Variants in PRDM16 observed in about 807,000 individuals in gnomAD.
PRDM16 encodes PR/SET domain 16.
In PRDM16, 23 loss-of-function variants were observed where a neutral mutation model predicts 110.6. The observed-to-expected ratio is 0.21, with a 90% confidence interval of 0.15 to 0.29. The LOEUF (loss-of-function observed/expected upper bound fraction) is 0.29, where lower values mean the gene tolerates loss of function less well. Among genes scored for constraint, PRDM16 ranks in the 10% least tolerant of loss-of-function variants. PRDM16 has a pLI of 1.00. For synonymous variants in PRDM16, 799 were observed against 781.8 expected (o/e 1.02, Z -0.37); for missense variants, 1,615 against 1,794.3 (o/e 0.90, Z 1.81).
intron 1 of PRDM16, among the ~76,000 whole-genome samples, chr1:3,084,913 G>A (rs1642115626): frequency 6.6e-6 from 1 of 152,196 alleles, no homozygotes; most frequent in Non-Finnish European, 1.5e-5. Flanking sequence ...GTAGGTCCAG[G>A]GTGGCTGCCA....
At chr1:3,393,808 C>T (rs1221195123) in intron 4 of PRDM16, among the ~76,000 whole-genome samples, 1 of 152,212 alleles carries the variant, frequency 6.6e-6, no homozygotes, top group Non-Finnish European at 1.5e-5. Context: ...TTCCCGTTCA[C>T]CTCTGACCCC....
At chr1:3,271,516 C>T (rs1346709609) in intron 3 of PRDM16, among the ~76,000 whole-genome samples, 3 of 152,188 alleles carry the variant, frequency 2.0e-5, no homozygotes, top group Non-Finnish European at 1.5e-5. Flanking sequence ...CTGCAGCGGA[C>T]GTGGAAATTC....
rs755654027 is a variant in PRDM16 at position 3,411,651 on chromosome 1, TCAA to T, written c.1456_1458del (p.Asn486del). On this transcript the variant is annotated inframe_deletion, in exon 9 of 17. Transcript: ENST00000270722. ...AGCCTCAATCACGCCAGCCTGGGCT[TCAA>T]CGAGTACTTTCCCTCCAGGCCGCAC... is the stretch of plus-strand genomic sequence containing the variant. 6.2e-7 allele frequency: 1 copy of T among 1,613,608 alleles called. No individual in the cohort carries two copies. The highest frequency in any genetic ancestry group is 8.5e-7 in the Non-Finnish European group (1 of 1,179,722).
At chr1:3,403,332 A>T (rs564955088) in intron 6 of PRDM16, among the ~76,000 whole-genome samples, 7 of 152,194 alleles carry the variant, frequency 4.6e-5, no homozygotes, top group Non-Finnish European at 7.3e-5. Flanking sequence ...ACTAGAAAGG[A>T]GAAAAACTCA....
intron 1 of PRDM16, among the ~76,000 whole-genome samples, chr1:3,185,544 A>G (rs1027368150): frequency 6.6e-6 from 1 of 152,116 alleles, no homozygotes; most frequent in Non-Finnish European, 1.5e-5. Context: ...GCCCAAGTGC[A>G]GGGATGTCCA....
At chr1:3,192,707 C>A (rs1468695765) in intron 2 of PRDM16, among the ~76,000 whole-genome samples, 1 of 152,124 alleles carries the variant, frequency 6.6e-6, no homozygotes, top group Non-Finnish European at 1.5e-5. Flanking sequence ...AGCTCCTGCC[C>A]AGGAGGGATT....
intron 1 of PRDM16, among the ~76,000 whole-genome samples, chr1:3,100,179 G>A (rs1036509565): frequency 1.1e-4 from 17 of 152,146 alleles, no homozygotes; most frequent in African/African-American, 3.1e-4. Context: ...TGGCTGGAGA[G>A]GTGGGGACCA....
intron 2 of PRDM16, among the ~76,000 whole-genome samples, chr1:3,221,538 G>T (rs1340147107): frequency 2.0e-5 from 3 of 152,218 alleles, no homozygotes; most frequent in Admixed American, 1.3e-4. Flanking sequence ...AGCATTGCTG[G>T]TCGGGCCAGC....
intron 14 of PRDM16, among the ~76,000 whole-genome samples, chr1:3,430,566 G>A (rs1638736858): frequency 6.6e-6 from 1 of 152,202 alleles, no homozygotes. Context: ...ACTGCCCACT[G>A]CTTCCACCCC....
chr1:3,416,985 C>T (rs966781870), intron 10 of PRDM16, among the ~76,000 whole-genome samples: 1 of 152,244 alleles, frequency 6.6e-6, no homozygotes, highest in African/African-American at 2.4e-5. Flanking sequence ...AGAGGCAGGG[C>T]TGACACTGAG....
intron 1 of PRDM16, among the ~76,000 whole-genome samples, chr1:3,074,793 C>T (rs1641859589): frequency 6.6e-6 from 1 of 151,792 alleles, no homozygotes; most frequent in Non-Finnish European, 1.5e-5. Context: ...ATAACCACCA[C>T]CCACCGCCTC....
At chr1:3,191,103 G>A (rs546276630) in intron 2 of PRDM16, among the ~76,000 whole-genome samples, 13 of 152,324 alleles carry the variant, frequency 8.5e-5, no homozygotes, top group East Asian at 5.8e-4. Context: ...AAAGGCTCTC[G>A]AAGGCATCAG....
rs115455929 is a variant in PRDM16, at chr1:3,311,322, C to T, written c.438+67185C>T. Among the ~76,000 whole-genome samples, 841 of 152,284 alleles carry T rather than the reference C, an allele frequency of 5.5e-3. 6 individuals carry two copies. The highest frequency in any genetic ancestry group is 0.019 in the African/African-American group (778 of 41,558). On this transcript the variant is annotated intron_variant, in intron 3 of 16. Transcript: ENST00000270722. ...CTTTCACTTTTGGAAACAACCAGGACGAGCCAAGGCCAGAGTTGGGGAGAG... is the reference window on the plus strand; with the variant it reads ...CTTTCACTTTTGGAAACAACCAGGATGAGCCAAGGCCAGAGTTGGGGAGAG...
chr1:3,314,071 C>CGGGGCGGG (rs1553161918), intron 3 of PRDM16, among the ~76,000 whole-genome samples: 1 of 100,660 alleles, frequency 9.9e-6, no homozygotes, highest in African/African-American at 6.1e-5. Context: ...CCTTCCCCAC[C>CGGGGCGGG]GGGGGGGGGG....
intron 3 of PRDM16, among the ~76,000 whole-genome samples, chr1:3,296,676 G>A (rs1044844788): frequency 2.6e-5 from 4 of 152,248 alleles, no homozygotes; most frequent in Admixed American, 2.0e-4. Context: ...TGTGGACCAG[G>A]ATGGGCAGCC....
chr1:3,324,841 C>T (rs1447576773), intron 3 of PRDM16, among the ~76,000 whole-genome samples: 1 of 152,056 alleles, frequency 6.6e-6, no homozygotes, highest in African/African-American at 2.4e-5. Flanking sequence ...GTGGGCAGCA[C>T]ATCTGACCCT....
At chr1:3,096,606 CTG>C (rs1329149821) in intron 1 of PRDM16, among the ~76,000 whole-genome samples, 24 of 152,156 alleles carry the variant, frequency 1.6e-4, no homozygotes, top group Admixed American at 1.6e-3. Flanking sequence ...GCCTTGCCGC[CTG>C]TGTGTTGAAA....
At position 3,382,360 on chromosome 1, in the gene PRDM16, G is replaced by A. The variant is rs1643115918; in HGVS notation, c.439-2792G>A. Among the ~76,000 whole-genome samples the A allele has an allele frequency of 6.6e-6, 1 of 152,224 alleles. No individual in the cohort carries two copies. The highest frequency in any genetic ancestry group is 1.5e-5 in the Non-Finnish European group (1 of 68,032). ...GCTGGCCCTGGACTTGGGCAGGGCA[G>A]GCAGTGACCTCCCTGGACAGCGTGA... On this transcript the variant is annotated intron_variant, in intron 3 of 16. Coordinates refer to ENST00000270722, the MANE Select transcript of PRDM16 (RefSeq NM_022114.4). This position sits in a 1 kb window ranked among gnomAD's most constrained non-coding sequence, Gnocchi z 6.6.
intron 3 of PRDM16, among the ~76,000 whole-genome samples, chr1:3,272,047 C>A (rs1481485148): frequency 6.6e-6 from 1 of 152,196 alleles, no homozygotes; most frequent in Non-Finnish European, 1.5e-5. Flanking sequence ...GACACGGTGC[C>A]CACATGGGTG....
Sources: allele counts gnomAD v4.1 joint callset (sites outside exome capture counted in the v4.1 genomes callset), GRCh38; gene constraint gnomAD v4.1.1; non-coding constraint Gnocchi (gnomAD v3.1); transcripts MANE v1.5; gene names NCBI Gene and HGNC (gene_info 2026-07-23, HGNC 2026-07-21).